The following LRTM2 variants were observed in gnomAD, a reference collection of about 807,000 sequenced individuals.
LRTM2 encodes the protein leucine rich repeat transmembrane protein 2.
In LRTM2, 18 loss-of-function variants were observed where a neutral mutation model predicts 28.1. The ratio of observed to expected loss-of-function variants is 0.64; its 90% CI spans 0.44 to 0.95. LRTM2 has a LOEUF of 0.95. LRTM2 is among the 40% of genes least tolerant of loss of function. The pLI is 0.00. For synonymous variants in LRTM2, 250 were observed against 218.7 expected, an observed-to-expected ratio of 1.14 and a Z score of -1.26; for missense variants, 436 against 497.2, an observed-to-expected ratio of 0.88 and a Z score of 1.17.
rs866587548 is a variant in LRTM2 at position 1,828,697 on chromosome 12, G to A, written c.67+482G>A. Reference sequence around the variant, plus strand: ...TGTCTCTTATGCTCCTTATGCCTCCGCTTTCCCAACTCTCGGTAGAGGACC... The same window carrying A: ...TGTCTCTTATGCTCCTTATGCCTCCACTTTCCCAACTCTCGGTAGAGGACC... On this transcript the variant is annotated intron_variant, in intron 3 of 4. Transcript: ENST00000299194. This position sits in a 1 kb window ranked among gnomAD's most constrained non-coding sequence, Gnocchi z 4.2. Among the ~76,000 whole-genome samples, 32 of 152,268 alleles carry A rather than the reference G, an allele frequency of 2.1e-4. 1 individual carries two copies. The highest frequency in any genetic ancestry group is 1.1e-3 in the Admixed American group (17 of 15,302).
Position 1,834,263 on chromosome 12 carries a change from G to GT in LRTM2, c.659-3dup, listed in dbSNP as rs1448575405. The GT allele has an allele frequency of 1.3e-6, 2 of 1,557,876 alleles. No individual in the cohort carries two copies. The highest frequency in any genetic ancestry group is 1.7e-6 in the Non-Finnish European group (2 of 1,149,580). On this transcript the variant is annotated splice_region_variant and splice_polypyrimidine_tract_variant and intron_variant, in intron 4 of 4. Transcript: ENST00000299194. This position sits in a 1 kb window ranked among gnomAD's most constrained non-coding sequence, Gnocchi z 7.6. ...CAGCCCCTCTTTTTCTCTTCTGCAT[G>GT]TAGGGGGACGCTTGGACCAGCTTGC...
chr12:1,830,967 G>A lies in LRTM2; in HGVS notation c.100G>A (p.Glu34Lys). 1.2e-6 allele frequency: 2 copies of A among 1,612,710 alleles called. No individual in the cohort carries two copies. The highest frequency in any genetic ancestry group is 1.7e-6 in the Non-Finnish European group (2 of 1,179,196). The part of the protein sequence containing the change: ...ITCWIALYAV[E>K]ALPTCPFSCK... ...CTGCTGGATCGCCCTGTATGCTGTG[G>A]AGGCCCTCCCCACCTGCCCTTTCTC... Residue 34 changes from glutamate to lysine, a missense_variant, in exon 4 of 5, where the codon GAG becomes AAG. Glu to Lys is a moderately conservative substitution (Grantham distance 56). Transcript: ENST00000299194.
intron 3 of LRTM2, 41 bp from the exon 4 acceptor site, chr12:1,830,894 G>A (rs770837349): frequency 2.4e-5 from 36 of 1,514,574 alleles, no homozygotes; most frequent in East Asian, 4.6e-5. Context: ...GTGGTGACCC[G>A]TCCTATTGCT....
chr12:1,822,567 C>G (rs1317413016), intron 1 of LRTM2, among the ~76,000 whole-genome samples: 1 of 152,180 alleles, frequency 6.6e-6, no homozygotes, highest in Admixed American at 6.5e-5. Flanking sequence ...CAGGAGGCTT[C>G]TCTGTTCTGC....
chr12:1,822,379 T>C (rs1864140155), intron 1 of LRTM2, among the ~76,000 whole-genome samples: 2 of 152,068 alleles, frequency 1.3e-5, no homozygotes, highest in Admixed American at 6.5e-5. Flanking sequence ...GGAGCCAGCA[T>C]AGAGGCTGTC....
In LRTM2 at chr12:1,829,087, A is replaced by G. The variant is rs1191368712; in HGVS notation, c.67+872A>G. On this transcript the variant is annotated intron_variant, in intron 3 of 4. Transcript: ENST00000299194. The surrounding 1 kb of genome is among the most constrained non-coding windows in gnomAD (Gnocchi z 4.2). ...TCAGATCTCCTTTCAGCCTCATTCT[A>G]GAATCACTCAACACCTCGCAATACG... Among the ~76,000 whole-genome samples, 1 of 152,210 alleles carries G rather than the reference A, an allele frequency of 6.6e-6. No homozygotes were observed. The highest frequency in any genetic ancestry group is 2.4e-5 in the African/African-American group (1 of 41,450).
rs1229874001 is a variant in LRTM2 at position 1,828,900 on chromosome 12, A to G, written c.67+685A>G. ...TGAGAATTCTCTTTATATGTGGCAA[A>G]GGGACCAGGTCAGCAAGGGCTGGTC... On this transcript the variant is annotated intron_variant, in intron 3 of 4. Transcript: ENST00000299194. This position sits in a 1 kb window ranked among gnomAD's most constrained non-coding sequence, Gnocchi z 4.2. 1.3e-5 allele frequency among the ~76,000 whole-genome samples: 2 copies of G among 152,188 alleles called. No homozygotes were observed. Among genetic ancestry groups the G allele is most frequent in the Admixed American group, 6.5e-5 (1 of 15,284 alleles).
Position 1,828,090 on chromosome 12 carries a change from GCACCCAGGGGCTCCT to G in LRTM2, c.-57_-43del. 6.9e-7 allele frequency: 1 copy of G among 1,439,688 alleles called. No homozygotes were observed. Among genetic ancestry groups the G allele is most frequent in the South Asian group, 1.4e-5 (1 of 70,914 alleles). The allele number at this position is 1,439,688 out of a possible 1,614,324, so 89.2% of individuals were successfully genotyped here. On this transcript the variant is annotated 5_prime_UTR_variant, in exon 3 of 5. Transcript: ENST00000299194. This position sits in a 1 kb window ranked among gnomAD's most constrained non-coding sequence, Gnocchi z 4.2. ...CCCTCCCTCAGGACTGACAGGCGGC[GCACCCAGGGGCTCCT>G]CTCTCCCCAGAGCGACAGGGCCCGG...
chr12:1,831,784 C>A (rs1864646823), intron 4 of LRTM2, among the ~76,000 whole-genome samples: 2 of 151,374 alleles, frequency 1.3e-5, no homozygotes, highest in African/African-American at 2.4e-5. Flanking sequence ...ATCCCCTCCC[C>A]CAGCCAGCTC....
At chr12:1,830,303 G>A (rs568383131) in intron 3 of LRTM2, among the ~76,000 whole-genome samples, 2 of 152,368 alleles carry the variant, frequency 1.3e-5, no homozygotes, top group Admixed American at 6.5e-5. Context: ...CAAACTGCTG[G>A]CGTCATCATG....
At position 1,834,162 on chromosome 12, in the gene LRTM2, T is replaced by G; in HGVS notation, c.659-105T>G. 1.9e-5 allele frequency: 26 copies of G among 1,343,238 alleles called. No individual in the cohort carries two copies. The highest frequency in any genetic ancestry group is 2.6e-5 in the Non-Finnish European group (26 of 1,006,246). 83.2% of individuals were successfully genotyped at this position (1,343,238 alleles called of 1,614,324 possible). A position where few individuals can be genotyped will look rare whatever the true frequency, so the allele number is the denominator to read the frequency against. On this transcript the variant is annotated intron_variant, in intron 4 of 4. Transcript: ENST00000299194. This position sits in a 1 kb window ranked among gnomAD's most constrained non-coding sequence, Gnocchi z 7.6. ...ATTCCAGGATTGACTACATTGCTGA[T>G]AAAAACTACCTTCTGGGGCTTCCGT... is the stretch of plus-strand genomic sequence containing the variant.
In LRTM2 at chr12:1,834,552, G is replaced by A. The variant is rs200232561; in HGVS notation, c.944G>A (p.Gly315Glu). 7 of 1,603,570 alleles carry A rather than the reference G, an allele frequency of 4.4e-6. No individual in the cohort carries two copies. The highest frequency in any genetic ancestry group is 5.9e-6 in the Non-Finnish European group (7 of 1,179,920). ...RRAMGTVIIA[G>E]VVCGVVCIMM... ...GCCATGGGCACGGTGATCATTGCAGGGGTCGTGTGCGGCGTCGTCTGCATC... is the reference window on the plus strand; with the variant it reads ...GCCATGGGCACGGTGATCATTGCAGAGGTCGTGTGCGGCGTCGTCTGCATC... The change falls in exon 5 of 5, where the codon GGG becomes GAG. Residue 315 changes from glycine to glutamate, a missense_variant. Transcript: ENST00000299194. This position sits in a 1 kb window ranked among gnomAD's most constrained non-coding sequence, Gnocchi z 7.6.
chr12:1,828,342 G>A lies in LRTM2; in HGVS notation c.67+127G>A, dbSNP rs1864451831. 2.4e-6 allele frequency: 2 copies of A among 822,994 alleles called. No individual in the cohort carries two copies. Among genetic ancestry groups the A allele is most frequent in the Non-Finnish European group, 3.6e-6 (2 of 557,732 alleles). The allele number at this position is 822,994 out of a possible 1,614,324, so 51.0% of individuals were successfully genotyped here. On this transcript the variant is annotated intron_variant, in intron 3 of 4. Transcript: ENST00000299194. The surrounding 1 kb of genome is among the most constrained non-coding windows in gnomAD (Gnocchi z 4.2). ...GGGAGGCCTACGCCAGATCTTCCTG[G>A]GGTACCCGAGGCTATGTTCTGGGAA... is the stretch of plus-strand genomic sequence containing the variant.
chr12:1,821,631 C>G (rs557559105), intron 1 of LRTM2, among the ~76,000 whole-genome samples: 35 of 152,176 alleles, frequency 2.3e-4, no homozygotes, highest in Non-Finnish European at 4.3e-4. Context: ...GGGGGGTACA[C>G]AGCGGGGCCA....
chr12:1,828,898 A>G lies in LRTM2; in HGVS notation c.67+683A>G, dbSNP rs1379634685. 1.3e-5 allele frequency among the ~76,000 whole-genome samples: 2 copies of G among 152,180 alleles called. No homozygotes were observed. The highest frequency in any genetic ancestry group is 4.8e-5 in the African/African-American group (2 of 41,446). ...CCTGAGAATTCTCTTTATATGTGGC[A>G]AAGGGACCAGGTCAGCAAGGGCTGG... On this transcript the variant is annotated intron_variant, in intron 3 of 4. Transcript: ENST00000299194. This position sits in a 1 kb window ranked among gnomAD's most constrained non-coding sequence, Gnocchi z 4.2.
In LRTM2 at chr12:1,836,437, A is replaced by G. The variant is rs74374144; in HGVS notation, c.*1716A>G. Reference sequence around the variant, plus strand: ...TGCCCCACTCCGACCCTCCCTGCTCATGCGGCAGTGGGTGGGTGAGGTGGG... The same window carrying G: ...TGCCCCACTCCGACCCTCCCTGCTCGTGCGGCAGTGGGTGGGTGAGGTGGG... On this transcript the variant is annotated 3_prime_UTR_variant, in exon 5 of 5. Transcript: ENST00000299194. 3,924 of 152,512 alleles carry G rather than the reference A, an allele frequency of 0.026. 89 individuals are homozygous for G. The highest frequency in any genetic ancestry group is 0.04 in the Non-Finnish European group (2,730 of 68,176). The allele number at this position is 152,512 out of a possible 1,614,324, so 9.4% of individuals were successfully genotyped here. A position where few individuals can be genotyped will look rare whatever the true frequency, so the allele number is the denominator to read the frequency against.
rs78755035 is a variant in LRTM2, at chr12:1,826,025, G to T, written c.-258-1385G>T. 7.0e-3 allele frequency among the ~76,000 whole-genome samples: 1,059 copies of T among 152,258 alleles called. 13 individuals are homozygous for T. Among genetic ancestry groups the T allele is most frequent in the African/African-American group, 0.025 (1,026 of 41,520 alleles). ...GCAGGCCTGCGAGGGCCGTAGGTGT[G>T]GGGCAGAAATACATAGACTCCACAG... On this transcript the variant is annotated intron_variant, in intron 1 of 4. Coordinates refer to ENST00000299194, the MANE Select transcript of LRTM2 (RefSeq NM_001039029.3).
In LRTM2 at chr12:1,828,696, C is replaced by T. The variant is rs190587991; in HGVS notation, c.67+481C>T. The stretch of plus-strand genomic sequence containing the variant: ...ATGTCTCTTATGCTCCTTATGCCTC[C>T]GCTTTCCCAACTCTCGGTAGAGGAC... On this transcript the variant is annotated intron_variant, in intron 3 of 4. Transcript: ENST00000299194. This position sits in a 1 kb window ranked among gnomAD's most constrained non-coding sequence, Gnocchi z 4.2. 3.3e-4 allele frequency among the ~76,000 whole-genome samples: 51 copies of T among 152,310 alleles called. No individual in the cohort carries two copies. In the East Asian group the frequency reaches 4.3e-3, roughly 13 times the overall value.
chr12:1,820,861 CAG>C lies in LRTM2; in HGVS notation c.-259+48_-259+49del, dbSNP rs1407481334. 2 of 152,214 alleles carry C rather than the reference CAG, an allele frequency of 1.3e-5. No homozygotes were observed. Among genetic ancestry groups the C allele is most frequent in the African/African-American group, 2.4e-5 (1 of 41,420 alleles). The allele number at this position is 152,214 out of a possible 1,614,324, so 9.4% of individuals were successfully genotyped here. ...GGAAGGAATGGAGGGTTGGTGGGGACAGGGGGTGGTCGGGGCATGGGAAGTGG... is the reference window on the plus strand; with the variant it reads ...GGAAGGAATGGAGGGTTGGTGGGGACGGGGTGGTCGGGGCATGGGAAGTGG... On this transcript the variant is annotated intron_variant, in intron 1 of 4. Coordinates refer to ENST00000299194, the MANE Select transcript of LRTM2 (RefSeq NM_001039029.3). This position sits in a 1 kb window ranked among gnomAD's most constrained non-coding sequence, Gnocchi z 6.0.
Sources: gnomAD v4.1 joint callset for allele counts (sites outside exome capture counted in the v4.1 genomes callset) on GRCh38, gnomAD v4.1.1 for gene constraint, Gnocchi (gnomAD v3.1) non-coding constraint, MANE v1.5 for transcripts, NCBI Gene and HGNC (gene_info 2026-07-23, HGNC 2026-07-21) for gene names.